CDK5RAP3: variants seen among roughly 807,000 people sequenced by gnomAD.
CDK5RAP3 encodes the protein CDK5 regulatory subunit-associated protein 3.
CDK5RAP3 carries 58 observed loss-of-function variants against 73.3 expected under a neutral mutation model. The observed-to-expected ratio is 0.79, with a 90% CI of 0.64 to 0.98. The LOEUF (loss-of-function observed/expected upper bound fraction) is 0.98. CDK5RAP3 is among the 50% of genes least tolerant of loss of function. The pLI is 0.00. For synonymous variants in CDK5RAP3, 224 were observed against 247.5 expected (o/e 0.91, Z 0.89); for missense variants, 525 against 615.8 (o/e 0.85, Z 1.56).
Position 47,974,049 on chromosome 17 carries a change from G to C in CDK5RAP3, c.285+18G>C, listed in dbSNP as rs2036334461. On this transcript the variant is annotated intron_variant, in intron 4 of 13. Coordinates refer to ENST00000338399, the MANE Select transcript of CDK5RAP3 (RefSeq NM_176096.3). ...GGATGAAGGCAAGTGTGGGCCAAGG[G>C]CCGGTAGTATGTGGTTGGGGACATC... 5 of 1,566,940 alleles carry C rather than the reference G, an allele frequency of 3.2e-6. No homozygotes were observed. Among genetic ancestry groups the C allele is most frequent in the Non-Finnish European group, 4.4e-6 (5 of 1,136,942 alleles).
intron 9 of CDK5RAP3, 152 bp downstream of exon 9, chr17:47,976,974 A>AGTTTT (rs1389984311): frequency 8.4e-6 from 4 of 473,788 alleles, no homozygotes; most frequent in Admixed American, 4.0e-5. Context: ...CACATGTCAG[A>AGTTTT]GTTTTGTTTT....
At chr17:47,972,484 A>G (rs1224549321) in intron 2 of CDK5RAP3, among the ~76,000 whole-genome samples, 2 of 152,204 alleles carry the variant, frequency 1.3e-5, no homozygotes, top group African/African-American at 4.8e-5. Context: ...ACCGGTTGGC[A>G]GAGTTCAAGT....
At chr17:47,975,072 C>T (rs779510381) in intron 5 of CDK5RAP3, 87 bp from the exon 6 acceptor site, 2 of 1,611,912 alleles carry the variant, frequency 1.2e-6, no homozygotes, top group Non-Finnish European at 1.7e-6. Flanking sequence ...TCGTGCTCTT[C>T]ACCACCACAA....
intron 8 of CDK5RAP3, 55 bp from the exon 9 acceptor site, chr17:47,976,657 C>T: frequency 2.4e-6 from 3 of 1,236,458 alleles, no homozygotes; most frequent in Non-Finnish European, 3.6e-6. Context: ...AGCCACCATG[C>T]CCGGCCCTTT....
At chr17:47,968,557 G>A (rs11657628), upstream of CDK5RAP3, among the ~76,000 whole-genome samples, 2,872 of 152,224 alleles carry the variant, frequency 0.019, 31 homozygotes, top group Non-Finnish European at 0.031. Context: ...TCACTCTGTC[G>A]CCCAGGCTGG....
At chr17:47,976,463 G>A (rs1476334182) in intron 8 of CDK5RAP3, 10 of 405,494 alleles carry the variant, frequency 2.5e-5, no homozygotes, top group African/African-American at 6.2e-5. Context: ...AGCCTCAAGC[G>A]ATCCTCCCAA....
At chr17:47,971,433 T>C in intron 2 of CDK5RAP3, 26 bp downstream of exon 2, 1 of 1,581,714 alleles carries the variant, frequency 6.3e-7, no homozygotes, top group Non-Finnish European at 8.6e-7. Context: ...ACCGCGCAGC[T>C]GGCTGTCGGG....
At chr17:47,970,530 A>T (rs890844740), upstream of CDK5RAP3, 5 of 763,070 alleles carry the variant, frequency 6.6e-6, no homozygotes, top group African/African-American at 3.5e-5. Flanking sequence ...CTTCGTTTAG[A>T]CTCAATGTAG....
intron 11 of CDK5RAP3, chr17:47,980,164 T>C (rs2036517681): frequency 4.6e-6 from 1 of 217,894 alleles, no homozygotes; most frequent in African/African-American, 2.3e-5. Context: ...CAGAGGAAAC[T>C]CCTTACCCAG....
At chr17:47,980,450 G>T (rs946943702) in intron 11 of CDK5RAP3, 143 bp from the exon 12 acceptor site, 3 of 732,254 alleles carry the variant, frequency 4.1e-6, no homozygotes, top group Admixed American at 2.0e-5. Flanking sequence ...AAACATTTCT[G>T]TAGAGACAGG....
chr17:47,974,345 G>C, intron 4 of CDK5RAP3, 55 bp from the exon 5 acceptor site: 1 of 1,429,802 alleles, frequency 7.0e-7, no homozygotes, highest in Non-Finnish European at 9.9e-7. Flanking sequence ...ATTGAGCTGG[G>C]ATGTGGCTGT....
rs1165437882 is a variant in CDK5RAP3, at chr17:47,981,248, A to C, written c.1369A>C (p.Lys457Gln). 6.2e-7 allele frequency: 1 copy of C among 1,614,236 alleles called. No individual in the cohort carries two copies. Among genetic ancestry groups the C allele is most frequent in the East Asian group, 2.2e-5 (1 of 44,886 alleles). Residue 457 changes from lysine (K) to glutamine (Q), a missense_variant, in exon 13 of 14, where the codon AAG (lysine) becomes CAG (glutamine). By Grantham distance (53) the Lys-to-Gln change is moderately conservative (BLOSUM62 1). This residue lies in a region of CDK5RAP3 where 116 missense variants were observed against 186.1 expected (regional missense o/e 0.62). Coordinates refer to ENST00000338399, the MANE Select transcript of CDK5RAP3 (RefSeq NM_176096.3). ...TTTGAAGAAAGAGCTGATGGTGCAGAAGCAGCAGGAGGCACTTGAGGAGCA... is the reference window on the plus strand; with the variant it reads ...TTTGAAGAAAGAGCTGATGGTGCAGCAGCAGCAGGAGGCACTTGAGGAGCA... ...LALKKELMVQ[K>Q]QQEALEEQAA...
upstream of CDK5RAP3, among the ~76,000 whole-genome samples, chr17:47,968,343 C>T (rs2144201053): frequency 6.6e-6 from 1 of 152,244 alleles, no homozygotes; most frequent in African/African-American, 2.4e-5. Context: ...GAGATGGAGT[C>T]TCACTCTGTT....
Position 47,975,931 on chromosome 17 carries a change from A to G in CDK5RAP3, c.716A>G (p.Tyr239Cys). The change falls in exon 8 of 14, where the codon TAC becomes TGC. Residue 239 changes from tyrosine to cysteine, a missense_variant. Physicochemically the swap from Tyr to Cys is radical, Grantham distance 194. Coordinates refer to ENST00000338399, the MANE Select transcript of CDK5RAP3 (RefSeq NM_176096.3). ...CAGAAGCGGGGAAACTCAACGGTGT[A>G]CGAGTGGAGGACAGGGACAGAGCCC... ...FVQKRGNSTVYEWRTGTEPSV... is the reference protein window; with the variant it reads ...FVQKRGNSTVCEWRTGTEPSV... The G allele has an allele frequency of 3.1e-6, 5 of 1,614,200 alleles. No homozygotes were observed. The South Asian group carries it at 5.5e-5, about 18-fold the overall frequency.
chr17:47,970,082 T>TCCAG (rs2144204764), upstream of CDK5RAP3, among the ~76,000 whole-genome samples: 1 of 152,270 alleles, frequency 6.6e-6, no homozygotes, highest in African/African-American at 2.4e-5. Flanking sequence ...ACAACCTCCT[T>TCCAG]CCAGCCTCCT....
chr17:47,972,759 C>T (rs61454280), intron 2 of CDK5RAP3, among the ~76,000 whole-genome samples: 32,345 of 152,020 alleles, frequency 0.21, 4,057 homozygotes, highest in Non-Finnish European at 0.28. Context: ...GTCTCAGGCA[C>T]ACTGTTCAGT....
chr17:47,971,282 T>G (rs1455619475), intron 1 of CDK5RAP3, 80 bp from the exon 2 acceptor site: 32 of 1,549,622 alleles, frequency 2.1e-5, no homozygotes, highest in Non-Finnish European at 2.8e-5. Flanking sequence ...AGGGTGGTGG[T>G]TGGGACGTTG....
At chr17:47,970,895 T>C (rs2036243126), upstream of CDK5RAP3, 3 of 1,441,594 alleles carry the variant, frequency 2.1e-6, no homozygotes, top group Non-Finnish European at 2.7e-6. Context: ...TCCCCTGCCC[T>C]GAGCCCGCCT....
upstream of CDK5RAP3, among the ~76,000 whole-genome samples, chr17:47,968,513 G>T (rs2036211937): frequency 1.4e-5 from 2 of 146,888 alleles, no homozygotes; most frequent in African/African-American, 2.5e-5. Context: ...TTGTTTGTTT[G>T]TTTTTTGTTT....
Sources: gnomAD v4.1 joint callset for allele counts (sites outside exome capture counted in the v4.1 genomes callset) on GRCh38, gnomAD v4.1.1 for gene constraint, gnomAD v4.1.1 regional missense constraint, MANE v1.5 for transcripts, NCBI Gene and HGNC (gene_info 2026-07-23, HGNC 2026-07-21) for gene names.